Variants in MAGI2 observed in about 807,000 individuals in gnomAD.
MAGI2 encodes the protein membrane-associated guanylate kinase, WW and PDZ domain-containing protein 2.
In MAGI2, 35 loss-of-function variants were observed where a neutral mutation model predicts 133.3. The observed-to-expected ratio is 0.26, with a 90% CI of 0.20 to 0.35. MAGI2 has a LOEUF of 0.35. MAGI2 is among the 10% of genes least tolerant of loss of function. The pLI is 1.00. For synonymous variants in MAGI2, 729 were observed against 710.6 expected (o/e 1.03, Z -0.41); for missense variants, 1,636 against 1,863.4 (o/e 0.88, Z 2.25).
At chr7:79,157,203 C>A (rs1219276982) in intron 1 of MAGI2, among the ~76,000 whole-genome samples, 1 of 152,022 alleles carries the variant, frequency 6.6e-6, no homozygotes, top group Non-Finnish European at 1.5e-5. Flanking sequence ...TAAGTTTCCT[C>A]AGCTCTGAAG....
intron 2 of MAGI2, among the ~76,000 whole-genome samples, chr7:78,787,359 T>G (rs1451867167): frequency 1.3e-5 from 2 of 152,282 alleles, no homozygotes; most frequent in Non-Finnish European, 1.5e-5. Flanking sequence ...GAACAGGGAA[T>G]AAGCCACTTG....
At chr7:78,340,942 G>A (rs1401248309) in intron 9 of MAGI2, among the ~76,000 whole-genome samples, 1 of 152,132 alleles carries the variant, frequency 6.6e-6, no homozygotes, top group Non-Finnish European at 1.5e-5. Flanking sequence ...ACATAGTATT[G>A]GAAGTTCTGG....
intron 10 of MAGI2, among the ~76,000 whole-genome samples, chr7:78,248,125 C>T (rs1285428166): frequency 1.3e-5 from 2 of 152,140 alleles, no homozygotes; most frequent in African/African-American, 4.8e-5. Context: ...AGACTATGAA[C>T]AGATGTCTCA....
At chr7:78,623,711 A>C (rs1035706209) in intron 3 of MAGI2, among the ~76,000 whole-genome samples, 1 of 152,176 alleles carries the variant, frequency 6.6e-6, no homozygotes, top group Non-Finnish European at 1.5e-5. Context: ...AGATTTTAAT[A>C]CTTTTAACAA....
Position 78,746,253 on chromosome 7 carries a change from G to C in MAGI2, c.419-119014C>G, listed in dbSNP as rs146007999. On this transcript the variant is annotated intron_variant, in intron 2 of 21. Coordinates refer to ENST00000354212, the MANE Select transcript of MAGI2 (RefSeq NM_012301.4). ...TTTTTGAAGAGCCAGCTCTCAGGCAGAAACTGAAATGATGAAGCTCAAAAG... is the reference window on the plus strand; with the variant it reads ...TTTTTGAAGAGCCAGCTCTCAGGCACAAACTGAAATGATGAAGCTCAAAAG... Among the ~76,000 whole-genome samples the C allele has an allele frequency of 7.5e-4, 114 of 152,304 alleles. No homozygotes were observed. In the East Asian group the frequency reaches 9.8e-3, roughly 13 times the overall value.
chr7:78,403,791 A>C, intron 6 of MAGI2, among the ~76,000 whole-genome samples: 1 of 152,174 alleles, frequency 6.6e-6, no homozygotes, highest in Admixed American at 6.5e-5. Flanking sequence ...GGCTACATAA[A>C]TGTCTTCTTT....
intron 3 of MAGI2, among the ~76,000 whole-genome samples, chr7:78,556,949 G>A (rs1158236709): frequency 6.6e-6 from 1 of 151,650 alleles, no homozygotes; most frequent in Non-Finnish European, 1.5e-5. Flanking sequence ...AAATTAGCTG[G>A]GCATGGTGGC....
chr7:78,349,823 T>C (rs1791310944), intron 7 of MAGI2, among the ~76,000 whole-genome samples: 1 of 152,184 alleles, frequency 6.6e-6, no homozygotes, highest in Admixed American at 6.5e-5. Context: ...TCCTTATGCT[T>C]CCAAAATGAA....
chr7:78,185,762 C>A (rs1827631821), intron 12 of MAGI2, 92 bp from the exon 13 acceptor site: 1 of 942,458 alleles, frequency 1.1e-6, no homozygotes, highest in Non-Finnish European at 1.6e-6. Flanking sequence ...CATAACTCCC[C>A]CAACCACAAT....
In MAGI2 at chr7:78,130,118, T is replaced by A. The variant is rs983494435; in HGVS notation, c.3204-2702A>T. 2.0e-5 allele frequency among the ~76,000 whole-genome samples: 3 copies of A among 152,090 alleles called. No individual in the cohort carries two copies. In the East Asian group the frequency reaches 5.8e-4, roughly 29 times the overall value. On this transcript the variant is annotated intron_variant, in intron 18 of 21. Coordinates refer to ENST00000354212, the MANE Select transcript of MAGI2 (RefSeq NM_012301.4). ...ATTTATACTTAGTTTTGAAATATAT[T>A]CCATAACAGCTCTTCTGTTGTTTTC... is the stretch of plus-strand genomic sequence containing the variant.
At chr7:78,033,472 C>CAAAAA (rs199985014) in intron 21 of MAGI2, among the ~76,000 whole-genome samples, 34 of 132,346 alleles carry the variant, frequency 2.6e-4, no homozygotes, top group East Asian at 4.4e-4. Context: ...GAGCTTGTCT[C>CAAAAA]AAAAAAAAAA....
At chr7:78,487,675 C>A (rs1243318503) in intron 6 of MAGI2, among the ~76,000 whole-genome samples, 1 of 152,074 alleles carries the variant, frequency 6.6e-6, no homozygotes, top group Non-Finnish European at 1.5e-5. Context: ...CACGTTGGCT[C>A]AGTTCTGGTT....
At chr7:79,335,839 G>T (rs986483556) in intron 1 of MAGI2, among the ~76,000 whole-genome samples, 1 of 151,872 alleles carries the variant, frequency 6.6e-6, no homozygotes, top group Non-Finnish European at 1.5e-5. Context: ...ATATCTCCTT[G>T]GTCTACATTT....
intron 3 of MAGI2, among the ~76,000 whole-genome samples, chr7:78,538,617 G>A (rs1563141480): frequency 6.6e-6 from 1 of 152,102 alleles, no homozygotes; most frequent in Non-Finnish European, 1.5e-5. Context: ...TGTAAAAGGG[G>A]TTGAGTTCTT....
At chr7:79,260,683 A>G (rs1834021904) in intron 1 of MAGI2, among the ~76,000 whole-genome samples, 1 of 152,164 alleles carries the variant, frequency 6.6e-6, no homozygotes, top group African/African-American at 2.4e-5. Context: ...ACACTGTCAA[A>G]ACTTTATTTC....
At chr7:78,144,789 C>A (rs1014780997) in intron 16 of MAGI2, among the ~76,000 whole-genome samples, 2 of 152,086 alleles carry the variant, frequency 1.3e-5, no homozygotes, top group African/African-American at 4.8e-5. Flanking sequence ...CTGAGATACA[C>A]GTGCAGAACG....
Position 78,775,776 on chromosome 7 carries a change from C to G in MAGI2, c.419-148537G>C, listed in dbSNP as rs17387533. On this transcript the variant is annotated intron_variant, in intron 2 of 21. Transcript: ENST00000354212. ...AAGTCTGGAAAATCTAAAGAATTCA[C>G]TAAAGGTCAGAAAACTAATAAGTGC... Among the ~76,000 whole-genome samples the G allele has an allele frequency of 3.2e-3, 489 of 152,214 alleles. 2 individuals are homozygous for G. Among genetic ancestry groups the G allele is most frequent in the South Asian group, 0.011 (55 of 4,822 alleles).
chr7:78,810,726 A>T (rs928627366), intron 2 of MAGI2, among the ~76,000 whole-genome samples: 2 of 152,092 alleles, frequency 1.3e-5, no homozygotes, highest in African/African-American at 4.8e-5. Flanking sequence ...GCTTTTTCTT[A>T]TTAAAAAACA....
intron 6 of MAGI2, among the ~76,000 whole-genome samples, chr7:78,369,535 GTA>G (rs1793716433): frequency 6.6e-6 from 1 of 152,048 alleles, no homozygotes. Flanking sequence ...TCCTGAAAGT[GTA>G]TATGTTTCTC....
Sources: allele counts gnomAD v4.1 joint callset (sites outside exome capture counted in the v4.1 genomes callset), GRCh38; gene constraint gnomAD v4.1.1; transcripts MANE v1.5; gene names NCBI Gene and HGNC (gene_info 2026-07-23, HGNC 2026-07-21).